The following CCSER1 variants were observed in gnomAD, a reference collection of about 807,000 sequenced individuals.
The protein encoded by CCSER1 is coiled-coil serine rich protein 1.
In CCSER1, 41 loss-of-function variants were observed where a neutral mutation model predicts 82.0. That is an observed-to-expected ratio of 0.50 (90% CI 0.39 to 0.65). CCSER1 has a LOEUF of 0.65. Among genes scored for constraint, CCSER1 ranks in the 30% least tolerant of loss-of-function variants. The pLI, the probability that CCSER1 is intolerant of heterozygous loss-of-function variation, is 0.00. For missense variants in CCSER1, 1,119 were observed against 1,064.2 expected (o/e 1.05, Z -0.72); for synonymous variants, 414 against 383.9 (o/e 1.08, Z -0.92).
chr4:90,640,377 T>A (rs1726267027), intron 6 of CCSER1, among the ~76,000 whole-genome samples: 1 of 152,150 alleles, frequency 6.6e-6, no homozygotes, highest in Non-Finnish European at 1.5e-5. Flanking sequence ...GTCTTAGTTT[T>A]GGAAGGAAAC....
chr4:90,503,459 C>T (rs886387280), intron 5 of CCSER1, among the ~76,000 whole-genome samples: 5 of 152,006 alleles, frequency 3.3e-5, no homozygotes, highest in Admixed American at 1.3e-4. Flanking sequence ...ATGTGCACAA[C>T]GTGCAGGTTA....
chr4:91,057,370 G>C (rs944829496), intron 9 of CCSER1, among the ~76,000 whole-genome samples: 1 of 152,120 alleles, frequency 6.6e-6, no homozygotes, highest in African/African-American at 2.4e-5. Context: ...GTCTGGGTGG[G>C]CTGAAAGATT....
At chr4:90,682,840 T>A (rs895764340) in intron 6 of CCSER1, among the ~76,000 whole-genome samples, 3 of 152,120 alleles carry the variant, frequency 2.0e-5, no homozygotes, top group African/African-American at 7.2e-5. Flanking sequence ...TCTAAATTTG[T>A]AAATAAATTT....
At chr4:91,325,405 G>A (rs1729364178) in intron 10 of CCSER1, 2 of 268,846 alleles carry the variant, frequency 7.4e-6, no homozygotes, top group Non-Finnish European at 1.5e-5. Flanking sequence ...GGGAGCAAGG[G>A]GTAGGCAGAA....
At chr4:90,708,784 G>A (rs1038530646) in intron 6 of CCSER1, among the ~76,000 whole-genome samples, 6 of 152,090 alleles carry the variant, frequency 3.9e-5, no homozygotes, top group Non-Finnish European at 7.4e-5. Flanking sequence ...TTAAGGATCT[G>A]ATTTTTTCCC....
intron 10 of CCSER1, among the ~76,000 whole-genome samples, chr4:91,493,728 ATAT>A (rs1245536510): frequency 2.0e-5 from 3 of 151,836 alleles, no homozygotes; most frequent in East Asian, 3.9e-4. Context: ...TATAATTAAA[ATAT>A]TATAATTTCA....
intron 9 of CCSER1, among the ~76,000 whole-genome samples, chr4:91,002,191 C>T (rs184791172): frequency 1.5e-4 from 23 of 152,274 alleles, no homozygotes; most frequent in African/African-American, 5.5e-4. Flanking sequence ...ATATTCTTTC[C>T]TTCACCTTGA....
At chr4:90,473,669 C>G (rs890316941) in intron 5 of CCSER1, among the ~76,000 whole-genome samples, 13 of 152,144 alleles carry the variant, frequency 8.5e-5, no homozygotes, top group African/African-American at 2.9e-4. Context: ...GTTTATTTAT[C>G]TGAATGAATA....
At chr4:91,167,657 G>A (rs1732240586) in intron 10 of CCSER1, among the ~76,000 whole-genome samples, 1 of 152,146 alleles carries the variant, frequency 6.6e-6, no homozygotes, top group South Asian at 2.1e-4. Context: ...TTTGCTTAAT[G>A]TTTATAGGTA....
intron 10 of CCSER1, among the ~76,000 whole-genome samples, chr4:91,265,160 A>C (rs1741476964): frequency 6.6e-6 from 1 of 151,994 alleles, no homozygotes; most frequent in Non-Finnish European, 1.5e-5. Context: ...ATTATAGACT[A>C]ATGTCCCTTA....
intron 8 of CCSER1, among the ~76,000 whole-genome samples, chr4:90,915,661 C>A (rs1377937340): frequency 6.6e-6 from 1 of 152,080 alleles, no homozygotes; most frequent in African/African-American, 2.4e-5. Flanking sequence ...GAAGTTCTGG[C>A]CAGGTCAATC....
At chr4:90,641,426 G>A (rs1726490165) in intron 6 of CCSER1, among the ~76,000 whole-genome samples, 1 of 151,856 alleles carries the variant, frequency 6.6e-6, no homozygotes, top group Admixed American at 6.6e-5. Flanking sequence ...GGTCTTTCTA[G>A]GTATTATTAT....
At chr4:91,543,821 G>T (rs970710460) in intron 10 of CCSER1, among the ~76,000 whole-genome samples, 53 of 152,260 alleles carry the variant, frequency 3.5e-4, no homozygotes, top group African/African-American at 1.2e-3. Flanking sequence ...GGCGTTCTCT[G>T]TATTTCCTGA....
At chr4:90,628,283 G>C (rs1004647953) in intron 6 of CCSER1, 51 bp downstream of exon 6, 3 of 1,447,040 alleles carry the variant, frequency 2.1e-6, no homozygotes, top group Non-Finnish European at 2.9e-6. Flanking sequence ...AGACAATGAA[G>C]TCTGCAGACG....
At chr4:90,364,255 C>G (rs189352747) in intron 3 of CCSER1, among the ~76,000 whole-genome samples, 12 of 152,030 alleles carry the variant, frequency 7.9e-5, no homozygotes, top group Admixed American at 2.6e-4. Context: ...AATTGTCTGT[C>G]TCTCTCCCCC....
intron 8 of CCSER1, among the ~76,000 whole-genome samples, chr4:90,909,934 G>C (rs1726073176): frequency 1.3e-5 from 2 of 152,128 alleles, no homozygotes; most frequent in Admixed American, 6.6e-5. Context: ...TTTTCACACT[G>C]CTATAAAGAA....
chr4:90,838,531 T>C lies in CCSER1; in HGVS notation c.2094+22686T>C, dbSNP rs1001354556. ...TTTTATTTGCATATTAAAAAAATTG[T>C]GCATTCCAATAATTAAAATCATTTG... On this transcript the variant is annotated intron_variant, in intron 8 of 10. Coordinates refer to ENST00000509176, the MANE Select transcript of CCSER1 (RefSeq NM_001145065.2). Among the ~76,000 whole-genome samples, 5 of 151,370 alleles carry C rather than the reference T, an allele frequency of 3.3e-5. No individual in the cohort carries two copies. In the South Asian group the frequency reaches 8.4e-4, roughly 26 times the overall value.
intron 10 of CCSER1, among the ~76,000 whole-genome samples, chr4:91,482,208 C>A (rs565402348): frequency 2.7e-3 from 398 of 149,020 alleles, no homozygotes; most frequent in Non-Finnish European, 4.1e-3. Context: ...CGAGACCATC[C>A]TGGCTAACAA....
Position 91,277,247 on chromosome 4 carries a change from A to G in CCSER1, c.2217+191253A>G, listed in dbSNP as rs75739046. Among the ~76,000 whole-genome samples, 957 of 152,070 alleles carry G rather than the reference A, an allele frequency of 6.3e-3. 9 individuals carry two copies. The highest frequency in any genetic ancestry group is 0.021 in the African/African-American group (890 of 41,534). On this transcript the variant is annotated intron_variant, in intron 10 of 10. Transcript: ENST00000509176. ...GGTATAAGTTCTTAGAAAGTTTCGT[A>G]CATTTCACCAGTGAAGCTATTGGAT... is the stretch of plus-strand genomic sequence containing the variant.
Sources: gnomAD v4.1 joint callset for allele counts (sites outside exome capture counted in the v4.1 genomes callset) on GRCh38, gnomAD v4.1.1 for gene constraint, MANE v1.5 for transcripts, NCBI Gene and HGNC (gene_info 2026-07-23, HGNC 2026-07-21) for gene names.